Variants in DAAM2 observed in about 807,000 individuals in gnomAD.
DAAM2 encodes disheveled-associated activator of morphogenesis 2.
Under a neutral mutation model 120.7 loss-of-function variants are expected in DAAM2, and 39 were observed. The observed-to-expected ratio is 0.32, with a 90% CI of 0.25 to 0.42. The LOEUF (loss-of-function observed/expected upper bound fraction) is 0.42. Among genes scored for constraint, DAAM2 ranks in the 10% least tolerant of loss-of-function variants. The pLI is 1.00. For synonymous variants in DAAM2, 488 were observed against 524.9 expected, an observed-to-expected ratio of 0.93 and a Z score of 0.96; for missense variants, 1,283 against 1,401.7, an observed-to-expected ratio of 0.92 and a Z score of 1.35.
intron 4 of DAAM2, 125 bp from the exon 5 acceptor site, chr6:39,864,855 G>T: frequency 2.5e-6 from 3 of 1,197,520 alleles, no homozygotes; most frequent in East Asian, 5.1e-5. Context: ...GCCGACACTC[G>T]GTCTCAGTAA....
rs1209947042 is a variant in DAAM2, at chr6:39,878,297, C to G, written c.1360+36C>G. On this transcript the variant is annotated intron_variant, in intron 12 of 24. Coordinates refer to ENST00000274867, the MANE Select transcript of DAAM2 (RefSeq NM_001201427.2). This position sits in a 1 kb window ranked among gnomAD's most constrained non-coding sequence, Gnocchi z 5.0. ...CTGCTTAAGCCTGCTGTCCACTCCA[C>G]ATGCCCTTCCCCTGCCCAGCCCATA... is the stretch of plus-strand genomic sequence containing the variant. 1 of 1,613,050 alleles carries G rather than the reference C, an allele frequency of 6.2e-7. No homozygotes were observed. The highest frequency in any genetic ancestry group is 8.5e-7 in the Non-Finnish European group (1 of 1,179,232).
In DAAM2 at chr6:39,864,995, G is replaced by C; in HGVS notation, c.349G>C (p.Ala117Pro). 6.2e-7 allele frequency: 1 copy of C among 1,605,220 alleles called. No homozygotes were observed. The highest frequency in any genetic ancestry group is 1.3e-5 in the African/African-American group (1 of 74,912). Residue 117 changes from alanine to proline, a missense_variant, in exon 5 of 25, where the codon GCG (alanine) becomes CCG (proline). Physicochemically the swap from Ala to Pro is conservative, Grantham distance 27 (BLOSUM62 -1). Transcript: ENST00000274867. ...TGGCCCTCAGATGCAGAGTCTGTAC[G>C]CGTTTGATGAGGAGGAGACGGAGAT... The part of the protein sequence containing the change: ...NSMAAMQSLY[A>P]FDEEETEMRN...
rs113115366 is a variant in DAAM2, at chr6:39,904,304, C to G, written c.*2267C>G. The G allele has an allele frequency of 2.0e-4, 90 of 456,734 alleles. No homozygotes were observed. The highest frequency in any genetic ancestry group is 1.5e-3 in the African/African-American group (77 of 50,216). 28.3% of individuals were successfully genotyped at this position (456,734 alleles called of 1,614,324 possible). ...TTTCTATTTATTTTCTACATCTGGC[C>G]AGTGGCTCTGGTGCTAGATGCCACT... On this transcript the variant is annotated 3_prime_UTR_variant, in exon 25 of 25. Transcript: ENST00000274867.
At chr6:39,828,116 G>A (rs1762743243) in intron 1 of DAAM2, among the ~76,000 whole-genome samples, 1 of 152,210 alleles carries the variant, frequency 6.6e-6, no homozygotes, top group Non-Finnish European at 1.5e-5. Flanking sequence ...ACTCTCGCTA[G>A]ACTATTAGCT....
At position 39,884,058 on chromosome 6, in the gene DAAM2, CAGA is replaced by C. The variant is rs762357198; in HGVS notation, c.1943_1945del (p.Gln648del). The C allele has an allele frequency of 6.3e-7, 1 of 1,592,390 alleles. No homozygotes were observed. Among genetic ancestry groups the C allele is most frequent in the Non-Finnish European group, 8.6e-7 (1 of 1,162,624 alleles). The stretch of plus-strand genomic sequence containing the variant: ...TTTTGAAAAGATGTTTTCAGCCTAC[CAGA>C]GGCACCAGGTAAGACCCTATACCCT... On this transcript the variant is annotated inframe_deletion, in exon 15 of 25. Coordinates refer to ENST00000274867, the MANE Select transcript of DAAM2 (RefSeq NM_001201427.2).
intron 1 of DAAM2, among the ~76,000 whole-genome samples, chr6:39,802,655 C>G (rs1761900193): frequency 6.6e-6 from 1 of 152,158 alleles, no homozygotes; most frequent in African/African-American, 2.4e-5. Context: ...TAATACATCC[C>G]AGTGCCTTTT....
intron 17 of DAAM2, among the ~76,000 whole-genome samples, chr6:39,889,302 G>T (rs920130020): frequency 1.3e-5 from 2 of 152,152 alleles, no homozygotes; most frequent in African/African-American, 4.8e-5. Flanking sequence ...TTTCCAAATA[G>T]ACAATAAGAA....
intron 1 of DAAM2, among the ~76,000 whole-genome samples, chr6:39,830,766 C>T (rs1360830054): frequency 1.3e-5 from 2 of 152,186 alleles, no homozygotes; most frequent in African/African-American, 4.8e-5. Context: ...GTCAAGACTG[C>T]ATCAGGACCA....
At chr6:39,865,643 C>G (rs913027437) in intron 5 of DAAM2, among the ~76,000 whole-genome samples, 1 of 152,220 alleles carries the variant, frequency 6.6e-6, no homozygotes, top group African/African-American at 2.4e-5. Context: ...CTCCTTGTGT[C>G]TGGGTCTGCC....
At chr6:39,888,568 C>T in intron 16 of DAAM2, 111 bp from the exon 17 acceptor site, 2 of 812,914 alleles carry the variant, frequency 2.5e-6, no homozygotes, top group Non-Finnish European at 4.0e-6. Context: ...GGGGGGAATA[C>T]TATTAAATAT....
At chr6:39,837,206 G>C (rs1763133317) in intron 1 of DAAM2, among the ~76,000 whole-genome samples, 1 of 152,140 alleles carries the variant, frequency 6.6e-6, no homozygotes, top group Non-Finnish European at 1.5e-5. Context: ...CCTGTCAACT[G>C]CCTCCCCCGT....
intron 9 of DAAM2, 124 bp downstream of exon 9, chr6:39,871,696 C>A: frequency 2.7e-6 from 2 of 751,432 alleles, no homozygotes; most frequent in Non-Finnish European, 4.3e-6. Context: ...GGTGGGCACC[C>A]CCATGGCCAG....
chr6:39,901,385 G>T lies in DAAM2; in HGVS notation c.2895G>T (p.Leu965Phe). ...TCTTTGGCATCTTTGATACCTTCTTGCAGGCCTTCTCAGAGGCCCGGCAGG... is the reference window on the plus strand; with the variant it reads ...TCTTTGGCATCTTTGATACCTTCTTTCAGGCCTTCTCAGAGGCCCGGCAGG... Reference protein sequence around the residue: ...DEFFGIFDTFLQAFSEARQDL... With the variant: ...DEFFGIFDTFFQAFSEARQDL... Residue 965 changes from leucine to phenylalanine, a missense_variant, in exon 24 of 25, where the codon TTG (leucine) becomes TTT (phenylalanine). Coordinates refer to ENST00000274867, the MANE Select transcript of DAAM2 (RefSeq NM_001201427.2). This position sits in a 1 kb window ranked among gnomAD's most constrained non-coding sequence, Gnocchi z 4.5. The T allele has an allele frequency of 1.9e-6, 3 of 1,613,928 alleles. No individual in the cohort carries two copies. The highest frequency in any genetic ancestry group is 2.5e-6 in the Non-Finnish European group (3 of 1,179,886).
chr6:39,807,950 ACAGGAAGCTGTCT>A (rs1319651020), intron 1 of DAAM2, among the ~76,000 whole-genome samples: 1 of 152,214 alleles, frequency 6.6e-6, no homozygotes, highest in East Asian at 1.9e-4. Context: ...TGAAGAGTGA[ACAGGAAGCTGTCT>A]CCTATTGGCT....
At position 39,884,030 on chromosome 6, in the gene DAAM2, G is replaced by C; in HGVS notation, c.1914G>C (p.Glu638Asp). Residue 638 changes from glutamate to aspartate, a missense_variant, in exon 15 of 25, where the codon GAG becomes GAC. Physicochemically the swap from Glu to Asp is conservative, Grantham distance 45. Transcript: ENST00000274867. ...DMQVFRILDL[E>D]DFEKMFSAYQ... ...AGGTATTTCGGATCCTGGACCTAGA[G>C]GATTTTGAAAAGATGTTTTCAGCCT... The C allele has an allele frequency of 6.2e-7, 1 of 1,613,118 alleles. No homozygotes were observed.
chr6:39,855,198 G>A (rs1763951875), intron 1 of DAAM2, among the ~76,000 whole-genome samples: 2 of 152,202 alleles, frequency 1.3e-5, no homozygotes, highest in South Asian at 2.1e-4. Flanking sequence ...ACCCCCCTAG[G>A]TTGTCAGGAA....
chr6:39,892,683 G>A (rs1765805587), intron 19 of DAAM2, among the ~76,000 whole-genome samples: 1 of 152,140 alleles, frequency 6.6e-6, no homozygotes, highest in Admixed American at 6.5e-5. Flanking sequence ...TTACCAGGCT[G>A]GGGGCAGAAC....
chr6:39,871,258 G>C (rs1297016525), intron 8 of DAAM2, among the ~76,000 whole-genome samples: 1 of 152,114 alleles, frequency 6.6e-6, no homozygotes, highest in South Asian at 2.1e-4. Context: ...CAGTAGTGCC[G>C]AAGTATAGAA....
At chr6:39,879,968 G>C (rs1765048967) in intron 14 of DAAM2, 1 of 224,016 alleles carries the variant, frequency 4.5e-6, no homozygotes, top group African/African-American at 2.4e-5. Flanking sequence ...CCAGCAGTGA[G>C]AGATCCTCAT....
Sources: allele counts gnomAD v4.1 joint callset (sites outside exome capture counted in the v4.1 genomes callset), GRCh38; gene constraint gnomAD v4.1.1; non-coding constraint Gnocchi (gnomAD v3.1); transcripts MANE v1.5; gene names NCBI Gene and HGNC (gene_info 2026-07-23, HGNC 2026-07-21).